The following CEP112 variants were observed in gnomAD, a reference collection of about 807,000 sequenced individuals.
The protein encoded by CEP112 is centrosomal protein of 112 kDa.
A neutral mutation model predicts 153.0 loss-of-function variants in CEP112; 127 were observed. The observed-to-expected ratio is 0.83, with a 90% CI of 0.72 to 0.96. CEP112 has a LOEUF of 0.96. Ranked by LOEUF, CEP112 falls within the 40% of genes least tolerant of loss-of-function variation. CEP112 has a pLI of 0.00. For missense variants in CEP112, 1,089 were observed against 1,101.2 expected (o/e 0.99, Z 0.16); for synonymous variants, 358 against 374.4 (o/e 0.96, Z 0.51).
chr17:65,856,148 G>C (rs2058113244), intron 20 of CEP112, among the ~76,000 whole-genome samples: 2 of 152,088 alleles, frequency 1.3e-5, no homozygotes, highest in African/African-American at 4.8e-5. Flanking sequence ...ACATGAAGCT[G>C]CAATTAATGT....
chr17:65,706,264 A>G (rs747729364), intron 23 of CEP112, among the ~76,000 whole-genome samples: 1 of 152,212 alleles, frequency 6.6e-6, no homozygotes, highest in East Asian at 1.9e-4. Flanking sequence ...TGACAGGCCT[A>G]AGGTGGAAAG....
intron 18 of CEP112, among the ~76,000 whole-genome samples, chr17:65,959,578 G>A (rs1216613202): frequency 6.6e-6 from 1 of 152,220 alleles, no homozygotes; most frequent in Non-Finnish European, 1.5e-5. Flanking sequence ...CCGAGCCAGG[G>A]CTATGACTTC....
At chr17:66,076,394 A>G (rs2067499023) in intron 8 of CEP112, among the ~76,000 whole-genome samples, 1 of 152,098 alleles carries the variant, frequency 6.6e-6, no homozygotes, top group African/African-American at 2.4e-5. Context: ...ACCAGCCCTG[A>G]AGACTGTGTG....
intron 18 of CEP112, among the ~76,000 whole-genome samples, chr17:65,958,691 C>T (rs1401806259): frequency 6.9e-6 from 1 of 145,742 alleles, no homozygotes; most frequent in Non-Finnish European, 1.5e-5. Flanking sequence ...CAACCCTTGA[C>T]ACCTACAGCC....
At chr17:65,947,643 G>C in intron 18 of CEP112, among the ~76,000 whole-genome samples, 1 of 152,172 alleles carries the variant, frequency 6.6e-6, no homozygotes, top group Non-Finnish European at 1.5e-5. Flanking sequence ...TTTCTTTTAA[G>C]TGTTTTGTTT....
chr17:65,752,903 T>G (rs2051977947), intron 21 of CEP112, among the ~76,000 whole-genome samples: 1 of 152,218 alleles, frequency 6.6e-6, no homozygotes, highest in Non-Finnish European at 1.5e-5. Flanking sequence ...ATAAAAATCT[T>G]GATGCCTGAG....
rs2047912193 is a variant in CEP112, at chr17:65,688,197, G to C, written c.2697+932C>G. On this transcript the variant is annotated intron_variant, in intron 24 of 26. Transcript: ENST00000535342. ...TACATTATTTTGAAAAGAATGGAAA[G>C]AAAAAGGAGAAAACTAAAATTCAAA... 3 of 152,156 alleles carry C rather than the reference G, an allele frequency of 2.0e-5. No individual in the cohort carries two copies. The South Asian group carries it at 6.2e-4, about 31-fold the overall frequency. The allele number at this position is 152,156 out of a possible 1,614,324, so 9.4% of individuals were successfully genotyped here. A position where few individuals can be genotyped will look rare whatever the true frequency, so the allele number is the denominator to read the frequency against.
At chr17:65,825,313 A>T (rs1224071743) in intron 21 of CEP112, among the ~76,000 whole-genome samples, 1 of 152,188 alleles carries the variant, frequency 6.6e-6, no homozygotes, top group Non-Finnish European at 1.5e-5. Context: ...GGTTTCATGG[A>T]AGACAACATT....
intron 19 of CEP112, among the ~76,000 whole-genome samples, chr17:65,903,595 C>T (rs974767608): frequency 6.6e-6 from 1 of 152,184 alleles, no homozygotes; most frequent in Non-Finnish European, 1.5e-5. Context: ...AAGTGGGACT[C>T]CTCCCTAATT....
At chr17:65,739,871 C>T (rs142526801) in intron 23 of CEP112, among the ~76,000 whole-genome samples, 1 of 152,294 alleles carries the variant, frequency 6.6e-6, no homozygotes, top group Non-Finnish European at 1.5e-5. Context: ...CTGTTAGTCT[C>T]ACCTACCACT....
chr17:65,922,267 T>C (rs2060759127), intron 19 of CEP112, among the ~76,000 whole-genome samples: 1 of 152,136 alleles, frequency 6.6e-6, no homozygotes, highest in Non-Finnish European at 1.5e-5. Flanking sequence ...TATTGGGACA[T>C]TAATGATTTT....
intron 23 of CEP112, among the ~76,000 whole-genome samples, chr17:65,715,490 G>A (rs995703962): frequency 6.6e-6 from 1 of 151,672 alleles, no homozygotes; most frequent in Non-Finnish European, 1.5e-5. Flanking sequence ...TTGCTCCGTC[G>A]CTCAGGCTGG....
At chr17:66,033,342 A>G (rs1226882879) in intron 12 of CEP112, among the ~76,000 whole-genome samples, 2 of 152,256 alleles carry the variant, frequency 1.3e-5, no homozygotes, top group African/African-American at 4.8e-5. Context: ...AAGTAAAATT[A>G]TTAAACTTCA....
chr17:66,010,926 T>G (rs2064497002), intron 16 of CEP112, among the ~76,000 whole-genome samples: 2 of 152,074 alleles, frequency 1.3e-5, no homozygotes, highest in South Asian at 4.1e-4. Flanking sequence ...TTACTTTTTT[T>G]GTCGTGTCTC....
chr17:65,779,397 T>A (rs1399119801), intron 21 of CEP112, among the ~76,000 whole-genome samples: 1 of 152,176 alleles, frequency 6.6e-6, no homozygotes, highest in East Asian at 1.9e-4. Context: ...ATCTACTAAG[T>A]GTCAGGTATG....
At chr17:65,971,043 G>C (rs1184450840) in intron 17 of CEP112, among the ~76,000 whole-genome samples, 1 of 152,112 alleles carries the variant, frequency 6.6e-6, no homozygotes, top group African/African-American at 2.4e-5. Flanking sequence ...TAAGAGGCTT[G>C]TATTACATGT....
chr17:65,855,899 A>G lies in CEP112; in HGVS notation c.2164-3865T>C, dbSNP rs895242707. On this transcript the variant is annotated intron_variant, in intron 20 of 26. Coordinates refer to ENST00000535342, the MANE Select transcript of CEP112 (RefSeq NM_001199165.4). ...GGCAATATAGTGAGGCTCCTTCTCT[A>G]CAGATAATACAGAAATGAGTCAGGT... Among the ~76,000 whole-genome samples the G allele has an allele frequency of 3.3e-5, 5 of 152,054 alleles. No individual in the cohort carries two copies. The East Asian group carries it at 9.7e-4, about 29-fold the overall frequency.
At chr17:65,822,497 T>C (rs1401829540) in intron 21 of CEP112, among the ~76,000 whole-genome samples, 1 of 152,236 alleles carries the variant, frequency 6.6e-6, no homozygotes, top group African/African-American at 2.4e-5. Flanking sequence ...TACTGTATTG[T>C]TTTTACATTT....
intron 16 of CEP112, among the ~76,000 whole-genome samples, chr17:66,014,885 T>C (rs183469314): frequency 7.2e-5 from 11 of 152,330 alleles, no homozygotes; most frequent in Admixed American, 3.9e-4. Context: ...ATATTCTTTC[T>C]AGCTGCATCT....
Sources: allele counts gnomAD v4.1 joint callset (sites outside exome capture counted in the v4.1 genomes callset), GRCh38; gene constraint gnomAD v4.1.1; transcripts MANE v1.5; gene names NCBI Gene and HGNC (gene_info 2026-07-23, HGNC 2026-07-21).